The following SSBP2 variants were observed in gnomAD, a reference collection of about 807,000 sequenced individuals.
SSBP2 encodes single stranded DNA binding protein 2.
SSBP2 carries 17 observed loss-of-function variants against 61.8 expected under a neutral mutation model. The observed-to-expected ratio is 0.28, with a 90% CI of 0.19 to 0.41. SSBP2 has a LOEUF of 0.41. Ranked by LOEUF, SSBP2 falls within the 10% of genes least tolerant of loss-of-function variation. SSBP2 has a pLI of 1.00. For missense variants in SSBP2, 310 were observed against 458.7 expected (o/e 0.68, Z 2.96); for synonymous variants, 139 against 141.3 (o/e 0.98, Z 0.12).
At chr5:81,525,376 CTT>C (rs1395944522) in intron 4 of SSBP2, among the ~76,000 whole-genome samples, 4 of 152,096 alleles carry the variant, frequency 2.6e-5, no homozygotes, top group Non-Finnish European at 4.4e-5. Context: ...TTGTTCCCCT[CTT>C]TGTGTCCACA....
chr5:81,628,284 T>C (rs1747375243), intron 3 of SSBP2, among the ~76,000 whole-genome samples: 1 of 152,150 alleles, frequency 6.6e-6, no homozygotes, highest in African/African-American at 2.4e-5. Flanking sequence ...CCAGATTGTG[T>C]GAGAACTTAC....
At chr5:81,466,195 T>C (rs2154008587) in intron 9 of SSBP2, among the ~76,000 whole-genome samples, 1 of 152,116 alleles carries the variant, frequency 6.6e-6, no homozygotes, top group African/African-American at 2.4e-5. Flanking sequence ...ATGAAACTGA[T>C]CCTCTTGTGA....
chr5:81,595,324 G>A (rs955837091), intron 4 of SSBP2, among the ~76,000 whole-genome samples: 3 of 152,076 alleles, frequency 2.0e-5, no homozygotes, highest in Non-Finnish European at 4.4e-5. Context: ...ACCAATAACA[G>A]GCTCTGAAAT....
chr5:81,569,227 G>A (rs1458778276), intron 4 of SSBP2, among the ~76,000 whole-genome samples: 1 of 151,986 alleles, frequency 6.6e-6, no homozygotes, highest in Non-Finnish European at 1.5e-5. Context: ...TATGAGTTCT[G>A]ACAAAAGCAT....
At chr5:81,574,001 C>CA (rs1774022273) in intron 4 of SSBP2, among the ~76,000 whole-genome samples, 1 of 151,856 alleles carries the variant, frequency 6.6e-6, no homozygotes, top group African/African-American at 2.4e-5. Flanking sequence ...ATTAGCCAGG[C>CA]GTGGTGGTGG....
chr5:81,707,305 C>T (rs940444512), intron 1 of SSBP2, among the ~76,000 whole-genome samples: 1 of 152,010 alleles, frequency 6.6e-6, no homozygotes, highest in African/African-American at 2.4e-5. Flanking sequence ...CAGAATGTGA[C>T]CTAATGTGGA....
chr5:81,538,268 C>A (rs568343785), intron 4 of SSBP2, among the ~76,000 whole-genome samples: 1 of 152,288 alleles, frequency 6.6e-6, no homozygotes, highest in Non-Finnish European at 1.5e-5. Flanking sequence ...CCAGCCACAA[C>A]ATTTCCTTAA....
intron 4 of SSBP2, among the ~76,000 whole-genome samples, chr5:81,546,966 G>C (rs2973340): frequency 0.25 from 33,615 of 134,966 alleles, 4,896 homozygotes; most frequent in Middle Eastern, 0.41. Flanking sequence ...AACAATGATT[G>C]TTAAAAGTTT....
At chr5:81,490,837 TA>T (rs1766803491) in intron 5 of SSBP2, among the ~76,000 whole-genome samples, 1 of 152,230 alleles carries the variant, frequency 6.6e-6, no homozygotes, top group African/African-American at 2.4e-5. Context: ...CAGTTCATTT[TA>T]TATGGACAGA....
chr5:81,572,622 A>G (rs559019338), intron 4 of SSBP2, among the ~76,000 whole-genome samples: 8 of 152,302 alleles, frequency 5.3e-5, no homozygotes, highest in African/African-American at 1.9e-4. Context: ...AGAACTTTAG[A>G]GGTTATAAAA....
intron 4 of SSBP2, among the ~76,000 whole-genome samples, chr5:81,576,435 G>T (rs1006718814): frequency 6.6e-6 from 1 of 152,028 alleles, no homozygotes; most frequent in Admixed American, 6.6e-5. Context: ...AGTAAATGGT[G>T]TAAGTATCAT....
At chr5:81,472,333 C>G (rs964643878) in intron 8 of SSBP2, among the ~76,000 whole-genome samples, 1 of 152,128 alleles carries the variant, frequency 6.6e-6, no homozygotes, top group Non-Finnish European at 1.5e-5. Context: ...AAAATGTCAC[C>G]AACAGCTAGG....
chr5:81,642,662 G>C (rs1389634744), intron 2 of SSBP2, among the ~76,000 whole-genome samples: 1 of 152,104 alleles, frequency 6.6e-6, no homozygotes, highest in Admixed American at 6.6e-5. Flanking sequence ...TGTTTTAATT[G>C]AAAGAGACTG....
chr5:81,611,973 TAA>T (rs1434523728), intron 4 of SSBP2, among the ~76,000 whole-genome samples: 3 of 152,094 alleles, frequency 2.0e-5, no homozygotes, highest in African/African-American at 7.2e-5. Flanking sequence ...AAAAATTTCT[TAA>T]GAGGGTATAT....
At position 81,414,050 on chromosome 5, in the gene SSBP2, TTA is replaced by T. The variant is rs1761223418; in HGVS notation, c.*6452_*6453del. On this transcript the variant is annotated 3_prime_UTR_variant, in exon 17 of 17. Coordinates refer to ENST00000320672, the MANE Select transcript of SSBP2 (RefSeq NM_012446.5). ...CTTTACATCATTTTTTCTAGGAACA[TTA>T]ATAGTTGCCTTTGTTATGATAATGG... 6.6e-6 allele frequency: 1 copy of T among 152,150 alleles called. No homozygotes were observed. Among genetic ancestry groups the T allele is most frequent in the Non-Finnish European group, 1.5e-5 (1 of 68,002 alleles). The allele number at this position is 152,150 out of a possible 1,614,324, so 9.4% of individuals were successfully genotyped here.
At chr5:81,751,350 T>G (rs1167527239), upstream of SSBP2, 5 of 398,512 alleles carry the variant, frequency 1.3e-5, no homozygotes, top group African/African-American at 2.9e-5. Flanking sequence ...TCCTTCCCCC[T>G]CCCCCCTCCG....
chr5:81,663,986 G>A (rs1750907414), intron 1 of SSBP2, among the ~76,000 whole-genome samples: 1 of 152,120 alleles, frequency 6.6e-6, no homozygotes, highest in Admixed American at 6.6e-5. Context: ...TATGTGCAAA[G>A]GTAGAGAAGA....
intron 5 of SSBP2, among the ~76,000 whole-genome samples, chr5:81,501,043 G>A (rs201607776): frequency 4.0e-5 from 6 of 148,834 alleles, no homozygotes; most frequent in East Asian, 2.0e-4. Context: ...GTGAAACCCC[G>A]TCTCTAGTAA....
intron 4 of SSBP2, among the ~76,000 whole-genome samples, chr5:81,540,350 C>T (rs1256545088): frequency 6.6e-6 from 1 of 152,194 alleles, no homozygotes; most frequent in Non-Finnish European, 1.5e-5. Context: ...CTGATTTATA[C>T]TCCTACCAAC....
Sources: allele counts gnomAD v4.1 joint callset (sites outside exome capture counted in the v4.1 genomes callset), GRCh38; gene constraint gnomAD v4.1.1; transcripts MANE v1.5; gene names NCBI Gene and HGNC (gene_info 2026-07-23, HGNC 2026-07-21).